Variants in KIAA1217 observed in about 807,000 individuals in gnomAD.
KIAA1217 encodes the protein sickle tail protein homolog.
In KIAA1217, 88 loss-of-function variants were observed where a neutral mutation model predicts 163.9. The ratio of observed to expected loss-of-function variants is 0.54; its 90% confidence interval spans 0.45 to 0.64. KIAA1217 has a LOEUF of 0.64. Ranked by LOEUF, KIAA1217 falls within the 30% of genes least tolerant of loss-of-function variation. The pLI, the probability that KIAA1217 is intolerant of heterozygous loss-of-function variation, is 0.00. For synonymous variants in KIAA1217, 903 were observed against 923.1 expected, an observed-to-expected ratio of 0.98 and a Z score of 0.39; for missense variants, 2,372 against 2,475.0, an observed-to-expected ratio of 0.96 and a Z score of 0.88.
chr10:23,788,646 T>G (rs1282580445), intron 1 of KIAA1217, among the ~76,000 whole-genome samples: 1 of 152,210 alleles, frequency 6.6e-6, no homozygotes, highest in East Asian at 1.9e-4. Flanking sequence ...GATTTTGATA[T>G]GCATTGTTGA....
chr10:24,050,262 T>C (rs545019043), intron 2 of KIAA1217, among the ~76,000 whole-genome samples: 1 of 152,358 alleles, frequency 6.6e-6, no homozygotes, highest in Non-Finnish European at 1.5e-5. Flanking sequence ...GGTTGCCTGT[T>C]CACTCTGATG....
chr10:24,434,986 G>A (rs1044003040), intron 4 of KIAA1217, among the ~76,000 whole-genome samples: 5 of 152,154 alleles, frequency 3.3e-5, no homozygotes, highest in Non-Finnish European at 7.3e-5. Context: ...CAGAACTTGG[G>A]GTTTCTGAGT....
intron 1 of KIAA1217, among the ~76,000 whole-genome samples, chr10:23,845,978 T>C (rs2131080145): frequency 6.6e-6 from 1 of 152,334 alleles, no homozygotes; most frequent in Non-Finnish European, 1.5e-5. Flanking sequence ...ATAGCATTTA[T>C]TGAATAGGGA....
chr10:24,513,205 G>C (rs774591615), intron 9 of KIAA1217, 54 bp from the exon 10 acceptor site: 2 of 1,573,626 alleles, frequency 1.3e-6, no homozygotes, highest in Admixed American at 3.4e-5. Context: ...GCATTCACTC[G>C]CCTCCATTTC....
intron 1 of KIAA1217, among the ~76,000 whole-genome samples, chr10:23,934,623 A>AGATTTTTTT (rs1564546015): frequency 1.6e-5 from 1 of 61,452 alleles, no homozygotes; most frequent in Non-Finnish European, 2.7e-5. Flanking sequence ...ATATATATAT[A>AGATTTTTTT]TATTTTTTTT....
intron 1 of KIAA1217, among the ~76,000 whole-genome samples, chr10:23,753,109 T>C (rs1324541459): frequency 6.6e-6 from 1 of 152,192 alleles, no homozygotes; most frequent in Non-Finnish European, 1.5e-5. Flanking sequence ...CAAATCATTG[T>C]ATAGAAAGCA....
intron 2 of KIAA1217, among the ~76,000 whole-genome samples, chr10:24,163,239 C>T (rs1412551075): frequency 6.6e-6 from 1 of 152,150 alleles, no homozygotes; most frequent in African/African-American, 2.4e-5. Context: ...TAGTAGACTG[C>T]TAGTAAAGAG....
chr10:24,311,410 C>T (rs1301538497), intron 2 of KIAA1217, among the ~76,000 whole-genome samples: 5 of 152,116 alleles, frequency 3.3e-5, no homozygotes, highest in Admixed American at 6.6e-5. Context: ...ACACAGGAGT[C>T]AAGTAGTAAG....
At chr10:24,416,860 A>G (rs2058293295) in intron 3 of KIAA1217, among the ~76,000 whole-genome samples, 1 of 151,938 alleles carries the variant, frequency 6.6e-6, no homozygotes, top group Admixed American at 6.6e-5. Flanking sequence ...TTCTTTGGTC[A>G]CCCCTCAGTG....
chr10:23,729,434 G>GA (rs1838351761), intron 1 of KIAA1217, among the ~76,000 whole-genome samples: 2 of 151,898 alleles, frequency 1.3e-5, no homozygotes, highest in Non-Finnish European at 2.9e-5. Flanking sequence ...GAGAGTTCCC[G>GA]TTACTCCACA....
intron 5 of KIAA1217, among the ~76,000 whole-genome samples, chr10:24,460,928 A>G (rs1488209465): frequency 6.6e-6 from 1 of 152,210 alleles, no homozygotes; most frequent in Non-Finnish European, 1.5e-5. Context: ...AGCAATTGGT[A>G]GTAAGAAGCT....
chr10:24,398,069 A>G (rs764644894), intron 3 of KIAA1217, among the ~76,000 whole-genome samples: 12 of 152,220 alleles, frequency 7.9e-5, no homozygotes, highest in Non-Finnish European at 1.2e-4. Flanking sequence ...GGAAATTCAC[A>G]TATAGCTTTT....
rs546369321 is a variant in KIAA1217 at position 24,023,740 on chromosome 10, T to A, written c.-171+16366T>A. Among the ~76,000 whole-genome samples the A allele has an allele frequency of 1.4e-4, 21 of 151,778 alleles. No homozygotes were observed. The South Asian group carries it at 4.4e-3, about 31-fold the overall frequency. ...ATAATACAAAATAATGAAAACAGAA[T>A]AATCAAATTGTAATATTGTTATATA... is the stretch of plus-strand genomic sequence containing the variant. On this transcript the variant is annotated intron_variant, in intron 2 of 18. Transcript: ENST00000376462.
chr10:24,452,857 C>A (rs1211443106), intron 5 of KIAA1217, among the ~76,000 whole-genome samples: 2 of 151,978 alleles, frequency 1.3e-5, no homozygotes, highest in African/African-American at 2.4e-5. Context: ...TACCCTGATG[C>A]GATTATTACA....
intron 1 of KIAA1217, among the ~76,000 whole-genome samples, chr10:23,790,249 G>GCATATACA (rs1835731186): frequency 8.8e-6 from 1 of 113,898 alleles, no homozygotes; most frequent in Non-Finnish European, 1.7e-5. Context: ...ATGCACATAT[G>GCATATACA]CATATGCACA....
chr10:23,718,046 C>T (rs1297433466), intron 1 of KIAA1217, among the ~76,000 whole-genome samples: 1 of 152,162 alleles, frequency 6.6e-6, no homozygotes, highest in Non-Finnish European at 1.5e-5. Flanking sequence ...CTAAGTCCTC[C>T]TTGCTTCCAT....
intron 2 of KIAA1217, among the ~76,000 whole-genome samples, chr10:24,166,461 G>A (rs1426984938): frequency 1.3e-5 from 2 of 152,178 alleles, no homozygotes; most frequent in African/African-American, 4.8e-5. Flanking sequence ...ATAGGGGCCA[G>A]TCGTGGTGGC....
intron 1 of KIAA1217, among the ~76,000 whole-genome samples, chr10:23,744,200 A>G (rs1435560927): frequency 1.3e-5 from 2 of 152,188 alleles, no homozygotes; most frequent in Non-Finnish European, 2.9e-5. Context: ...GCCCCCAGCT[A>G]GCAAGGATGT....
intron 5 of KIAA1217, among the ~76,000 whole-genome samples, chr10:24,463,648 T>C (rs1479364557): frequency 6.6e-6 from 1 of 152,204 alleles, no homozygotes; most frequent in African/African-American, 2.4e-5. Flanking sequence ...GCAAATGTAA[T>C]TTTTTTAAAG....
Sources: allele counts gnomAD v4.1 joint callset (sites outside exome capture counted in the v4.1 genomes callset), GRCh38; gene constraint gnomAD v4.1.1; transcripts MANE v1.5; gene names NCBI Gene and HGNC (gene_info 2026-07-23, HGNC 2026-07-21).